The following IL6R variants were observed in gnomAD, a reference collection of about 807,000 sequenced individuals.
IL6R encodes the protein interleukin 6 receptor.
Under a neutral mutation model 48.3 loss-of-function variants are expected in IL6R, and 38 were observed. That is an observed-to-expected ratio of 0.79 (90% confidence interval 0.61 to 1.03). The LOEUF (loss-of-function observed/expected upper bound fraction) is 1.03, where lower values mean the gene tolerates loss of function less well. Ranked by LOEUF, IL6R falls within the 50% of genes least tolerant of loss-of-function variation. IL6R has a pLI of 0.00. For synonymous variants in IL6R, 264 were observed against 256.2 expected (o/e 1.03, Z -0.29); for missense variants, 534 against 618.3 (o/e 0.86, Z 1.45).
intron 9 of IL6R, among the ~76,000 whole-genome samples, chr1:154,461,233 A>C (rs1691243986): frequency 6.6e-6 from 1 of 152,216 alleles, no homozygotes; most frequent in Non-Finnish European, 1.5e-5. Flanking sequence ...GGAGCATGAA[A>C]GTGGACAAGG....
At chr1:154,425,396 T>C (rs1414498659) in intron 1 of IL6R, among the ~76,000 whole-genome samples, 1 of 152,040 alleles carries the variant, frequency 6.6e-6, no homozygotes, top group East Asian at 1.9e-4. Context: ...ACCGCAAACC[T>C]CCCTCAGTGA....
At chr1:154,435,528 A>T (rs942526154) in intron 5 of IL6R, among the ~76,000 whole-genome samples, 1 of 150,800 alleles carries the variant, frequency 6.6e-6, no homozygotes. Context: ...AAAAAATAGA[A>T]AGGGTACTAA....
Position 154,449,999 on chromosome 1 carries a change from C to A in IL6R, c.1066+19C>A. The A allele has an allele frequency of 6.6e-7, 1 of 1,512,012 alleles. No individual in the cohort carries two copies. The highest frequency in any genetic ancestry group is 9.2e-7 in the Non-Finnish European group (1 of 1,086,988). The allele number at this position is 1,512,012 out of a possible 1,614,324, so 93.7% of individuals were successfully genotyped here. A position where few individuals can be genotyped will look rare whatever the true frequency, so the allele number is the denominator to read the frequency against. On this transcript the variant is annotated intron_variant, in intron 8 of 9. Coordinates refer to ENST00000368485, the MANE Select transcript of IL6R (RefSeq NM_000565.4). Reference sequence around the variant, plus strand: ...CTCCCAGGTAAGGACTGGGTATTTTCATATTCCCAGGGTCCGAGGGACAGA... The same window carrying A: ...CTCCCAGGTAAGGACTGGGTATTTTAATATTCCCAGGGTCCGAGGGACAGA...
chr1:154,459,245 A>G (rs1442127389), intron 9 of IL6R, among the ~76,000 whole-genome samples: 1 of 152,220 alleles, frequency 6.6e-6, no homozygotes, highest in Non-Finnish European at 1.5e-5. Context: ...ATGCTTGGAC[A>G]CTGGCTGGTT....
chr1:154,408,495 C>A (rs1362371302), intron 1 of IL6R, among the ~76,000 whole-genome samples: 1 of 152,086 alleles, frequency 6.6e-6, no homozygotes, highest in Non-Finnish European at 1.5e-5. Flanking sequence ...TACCAACTAC[C>A]CGTGAACAGA....
intron 6 of IL6R, chr1:154,445,030 G>C: frequency 4.4e-6 from 2 of 455,658 alleles, no homozygotes; most frequent in Non-Finnish European, 8.8e-6. Flanking sequence ...AGCCTTTTCT[G>C]TACTTGTCTC....
intron 1 of IL6R, chr1:154,414,654 C>G: frequency 1.2e-6 from 1 of 846,532 alleles, no homozygotes; most frequent in Non-Finnish European, 2.0e-6. Flanking sequence ...CGGTGTAGCT[C>G]TTGGCGAGGA....
intron 5 of IL6R, 119 bp downstream of exon 5, chr1:154,435,275 C>A: frequency 2.3e-6 from 2 of 883,994 alleles, no homozygotes; most frequent in Non-Finnish European, 1.7e-6. Context: ...TTTGGGAGGC[C>A]AAGGTGGGCG....
Position 154,467,275 on chromosome 1 carries a change from T to A in IL6R, c.*1895T>A, listed in dbSNP as rs1308199674. 7 of 152,258 alleles carry A rather than the reference T, an allele frequency of 4.6e-5. No homozygotes were observed. Among genetic ancestry groups the A allele is most frequent in the Non-Finnish European group, 1.0e-4 (7 of 68,044 alleles). 9.4% of individuals were successfully genotyped at this position (152,258 alleles called of 1,614,324 possible). ...GATTAACCACTTCAGCTGACTTTTCTGTCCGAGCTTTGAAAATTCAGTGGT... is the reference window on the plus strand; with the variant it reads ...GATTAACCACTTCAGCTGACTTTTCAGTCCGAGCTTTGAAAATTCAGTGGT... On this transcript the variant is annotated 3_prime_UTR_variant, in exon 10 of 10. Coordinates refer to ENST00000368485, the MANE Select transcript of IL6R (RefSeq NM_000565.4).
intron 8 of IL6R, among the ~76,000 whole-genome samples, chr1:154,452,911 GA>G (rs2149267138): frequency 6.8e-6 from 1 of 147,118 alleles, no homozygotes; most frequent in African/African-American, 2.5e-5. Context: ...ATGAAAGAAG[GA>G]ACAAATATAT....
intron 9 of IL6R, among the ~76,000 whole-genome samples, chr1:154,461,883 A>C (rs1691284722): frequency 1.3e-5 from 2 of 152,146 alleles, no homozygotes; most frequent in Non-Finnish European, 2.9e-5. Context: ...GGAGATGAAG[A>C]AGCTGTCTTC....
intron 1 of IL6R, among the ~76,000 whole-genome samples, chr1:154,417,875 C>T (rs1688442017): frequency 6.6e-6 from 1 of 151,940 alleles, no homozygotes; most frequent in Non-Finnish European, 1.5e-5. Flanking sequence ...GCTGGGATTA[C>T]AGGCACCCGC....
rs188999578 is a variant in IL6R, at chr1:154,465,802, C to T, written c.*422C>T. On this transcript the variant is annotated 3_prime_UTR_variant, in exon 10 of 10. Transcript: ENST00000368485. ...ATTTCCAGCCAAAGCCTCCTCCAGC[C>T]GCCATGCTCCTGGCCCACTGCATCG... 262 of 180,308 alleles carry T rather than the reference C, an allele frequency of 1.5e-3. 2 individuals carry two copies. The highest frequency in any genetic ancestry group is 2.0e-3 in the Non-Finnish European group (170 of 84,456). 11.2% of individuals were successfully genotyped at this position (180,308 alleles called of 1,614,324 possible).
At chr1:154,442,491 G>T (rs1689992576) in intron 6 of IL6R, among the ~76,000 whole-genome samples, 1 of 152,182 alleles carries the variant, frequency 6.6e-6, no homozygotes, top group South Asian at 2.1e-4. Context: ...GCCTTGGTGG[G>T]CCCCTGTAGG....
chr1:154,432,410 T>G (rs1332239418), intron 3 of IL6R, among the ~76,000 whole-genome samples: 1 of 149,308 alleles, frequency 6.7e-6, no homozygotes, highest in Admixed American at 6.8e-5. Flanking sequence ...CAGGCTGGAG[T>G]GCAGTGGTGG....
At chr1:154,455,563 C>T (rs1690826733) in intron 9 of IL6R, among the ~76,000 whole-genome samples, 1 of 151,056 alleles carries the variant, frequency 6.6e-6, no homozygotes, top group Admixed American at 6.6e-5. Flanking sequence ...CACCATTCTC[C>T]TGCCTCAGCC....
chr1:154,447,476 T>TAATAC (rs1424013885), intron 6 of IL6R, among the ~76,000 whole-genome samples: 2 of 68,826 alleles, frequency 2.9e-5, no homozygotes, highest in African/African-American at 5.6e-5. Flanking sequence ...TATATATATA[T>TAATAC]ACACACACAC....
chr1:154,450,667 C>G (rs1455374750), intron 8 of IL6R, among the ~76,000 whole-genome samples: 1 of 152,210 alleles, frequency 6.6e-6, no homozygotes, highest in African/African-American at 2.4e-5. Flanking sequence ...GATTCCCTAT[C>G]CCTGCAAGAC....
At chr1:154,426,882 A>C (rs1466786871) in intron 1 of IL6R, among the ~76,000 whole-genome samples, 1 of 150,242 alleles carries the variant, frequency 6.7e-6, no homozygotes, top group South Asian at 2.1e-4. Context: ...TCCACCCCTT[A>C]TTGCCCTCAG....
Sources: gnomAD v4.1 joint callset for allele counts (sites outside exome capture counted in the v4.1 genomes callset) on GRCh38, gnomAD v4.1.1 for gene constraint, MANE v1.5 for transcripts, NCBI Gene and HGNC (gene_info 2026-07-23, HGNC 2026-07-21) for gene names.